OPCML: variants seen among roughly 807,000 people sequenced by gnomAD.
OPCML encodes the protein opioid-binding protein/cell adhesion molecule.
Under a neutral mutation model 37.8 loss-of-function variants are expected in OPCML, and 13 were observed. That is an observed-to-expected ratio of 0.34 (90% CI 0.22 to 0.55). The LOEUF is 0.55. Among genes scored for constraint, OPCML ranks in the 20% least tolerant of loss-of-function variants. The pLI, the probability that OPCML is intolerant of heterozygous loss-of-function variation, is 0.91. For missense variants in OPCML, 341 were observed against 435.6 expected (o/e 0.78, Z 1.93); for synonymous variants, 176 against 168.8 (o/e 1.04, Z -0.33).
intron 1 of OPCML, among the ~76,000 whole-genome samples, chr11:133,427,855 C>G (rs1171777976): frequency 6.6e-6 from 1 of 152,118 alleles, no homozygotes; most frequent in Non-Finnish European, 1.5e-5. Context: ...AGCGTATACT[C>G]TCCATGAAAA....
intron 1 of OPCML, among the ~76,000 whole-genome samples, chr11:133,052,095 G>GT (rs532851094): frequency 4.6e-5 from 7 of 152,130 alleles, no homozygotes; most frequent in Non-Finnish European, 1.0e-4. Context: ...TACTAAGGCA[G>GT]TTTTTTTCCC....
At chr11:132,728,295 T>C (rs1006062540) in intron 2 of OPCML, among the ~76,000 whole-genome samples, 8 of 152,040 alleles carry the variant, frequency 5.3e-5, no homozygotes, top group African/African-American at 1.9e-4. Flanking sequence ...GTCTCATAAA[T>C]CATTCCTTCT....
At chr11:132,900,266 G>A (rs998831070) in intron 2 of OPCML, among the ~76,000 whole-genome samples, 1 of 151,984 alleles carries the variant, frequency 6.6e-6, no homozygotes, top group African/African-American at 2.4e-5. Context: ...CATTCAATTA[G>A]GCCAGTCAAA....
At chr11:132,491,924 A>ATTTTTTTTTTTTTTTTTTTT (rs780995319) in intron 4 of OPCML, among the ~76,000 whole-genome samples, 1 of 133,266 alleles carries the variant, frequency 7.5e-6, no homozygotes. Flanking sequence ...GACATACCTA[A>ATTTTTTTTTTTTTTTTTTTT]TTTTTTTTTT....
intron 2 of OPCML, among the ~76,000 whole-genome samples, chr11:132,898,246 C>T (rs1357201496): frequency 6.6e-6 from 1 of 152,198 alleles, no homozygotes; most frequent in African/African-American, 2.4e-5. Flanking sequence ...CATTGGATGG[C>T]TTCCATCATG....
chr11:133,214,135 T>C (rs1033914501), intron 1 of OPCML, among the ~76,000 whole-genome samples: 2 of 152,092 alleles, frequency 1.3e-5, no homozygotes, highest in Non-Finnish European at 1.5e-5. Context: ...AAATATACTA[T>C]AAAGACATAA....
At chr11:132,597,549 G>C (rs1229755499) in intron 3 of OPCML, among the ~76,000 whole-genome samples, 3 of 152,140 alleles carry the variant, frequency 2.0e-5, no homozygotes, top group Non-Finnish European at 4.4e-5. Context: ...TCAGGACTTC[G>C]ATCTCCTCAA....
chr11:132,583,922 G>A (rs2096467178), intron 3 of OPCML, among the ~76,000 whole-genome samples: 1 of 152,018 alleles, frequency 6.6e-6, no homozygotes, highest in South Asian at 2.1e-4. Context: ...CCTATAGGCT[G>A]ATTTTTTTTA....
At chr11:132,677,099 G>A (rs985585236) in intron 2 of OPCML, among the ~76,000 whole-genome samples, 1 of 152,010 alleles carries the variant, frequency 6.6e-6, no homozygotes, top group Admixed American at 6.6e-5. Context: ...TTTCATATAT[G>A]CCCCCAAGAA....
In OPCML at chr11:132,451,394, C is replaced by T. The variant is rs147037425; in HGVS notation, c.506-14035G>A. ...TATAGGGCTGGGGCGGGGGTGGGGG[C>T]GCAGACGGGAGGACACAGCAGGTGA... On this transcript the variant is annotated intron_variant, in intron 4 of 7. Coordinates refer to ENST00000524381, the MANE Select transcript of OPCML (RefSeq NM_001012393.5). 6.0e-3 allele frequency among the ~76,000 whole-genome samples: 907 copies of T among 151,606 alleles called. 10 individuals carry two copies. Among genetic ancestry groups the T allele is most frequent in the African/African-American group, 0.021 (866 of 41,262 alleles).
chr11:133,222,923 C>T (rs937371815), intron 1 of OPCML, among the ~76,000 whole-genome samples: 18 of 152,088 alleles, frequency 1.2e-4, no homozygotes, highest in Non-Finnish European at 2.2e-4. Context: ...AAGAAGTACC[C>T]GATTAGCCCT....
chr11:132,809,504 A>G (rs1378251956), intron 2 of OPCML, among the ~76,000 whole-genome samples: 7 of 152,108 alleles, frequency 4.6e-5, no homozygotes, highest in African/African-American at 1.7e-4. Flanking sequence ...CTTATTTTTA[A>G]TGTTCCTTAC....
At chr11:132,441,781 G>A (rs1429002318) in intron 4 of OPCML, among the ~76,000 whole-genome samples, 1 of 152,186 alleles carries the variant, frequency 6.6e-6, no homozygotes, top group South Asian at 2.1e-4. Context: ...TACAAATGAG[G>A]CCATTCATCC....
intron 2 of OPCML, among the ~76,000 whole-genome samples, chr11:132,671,858 C>T (rs1306617031): frequency 2.6e-5 from 4 of 151,898 alleles, no homozygotes; most frequent in South Asian, 2.1e-4. Flanking sequence ...AAAAAGAAAA[C>T]GAGAAGAAAT....
intron 2 of OPCML, among the ~76,000 whole-genome samples, chr11:132,673,298 T>C (rs1335280286): frequency 1.3e-5 from 2 of 152,070 alleles, no homozygotes; most frequent in Non-Finnish European, 2.9e-5. Flanking sequence ...TGCATGATGA[T>C]GATGATGATG....
At chr11:132,836,585 G>A (rs1453699967) in intron 2 of OPCML, among the ~76,000 whole-genome samples, 1 of 152,112 alleles carries the variant, frequency 6.6e-6, no homozygotes, top group Non-Finnish European at 1.5e-5. Flanking sequence ...CTCAAATCAA[G>A]AGTTTTACGA....
At chr11:132,956,835 G>A (rs540454331) in intron 1 of OPCML, among the ~76,000 whole-genome samples, 2 of 152,226 alleles carry the variant, frequency 1.3e-5, no homozygotes, top group Non-Finnish European at 1.5e-5. Context: ...TAGAGTCAGG[G>A]AAAAATAAAA....
intron 2 of OPCML, among the ~76,000 whole-genome samples, chr11:132,792,115 T>C (rs1937955569): frequency 6.6e-6 from 1 of 152,276 alleles, no homozygotes; most frequent in Non-Finnish European, 1.5e-5. Context: ...TTTATTTCTT[T>C]GCTTTTTGTT....
chr11:133,507,720 G>A lies in OPCML; in HGVS notation c.61+24544C>T, dbSNP rs370032664. Among the ~76,000 whole-genome samples the A allele has an allele frequency of 5.7e-3, 868 of 152,132 alleles. 10 individuals are homozygous for A. The highest frequency in any genetic ancestry group is 0.02 in the African/African-American group (824 of 41,500). On this transcript the variant is annotated intron_variant, in intron 1 of 7. Coordinates refer to ENST00000524381, the MANE Select transcript of OPCML (RefSeq NM_001012393.5). ...AGCACTTTGGGAGGCCGAGGCGGGCGGACCACCTGAGGTCAGGAGTGCAAT... is the reference window on the plus strand; with the variant it reads ...AGCACTTTGGGAGGCCGAGGCGGGCAGACCACCTGAGGTCAGGAGTGCAAT...
Sources: allele counts gnomAD v4.1 joint callset (sites outside exome capture counted in the v4.1 genomes callset), GRCh38; gene constraint gnomAD v4.1.1; transcripts MANE v1.5; gene names NCBI Gene and HGNC (gene_info 2026-07-23, HGNC 2026-07-21).